Variants in BNC2 observed in about 807,000 individuals in gnomAD.
BNC2 encodes zinc finger protein basonuclin-2.
Under a neutral mutation model 76.3 loss-of-function variants are expected in BNC2, and 20 were observed. The ratio of observed to expected loss-of-function variants is 0.26; its 90% CI spans 0.18 to 0.38. The LOEUF is 0.38. BNC2 is among the 10% of genes least tolerant of loss of function. The pLI is 1.00. For synonymous variants in BNC2, 582 were observed against 514.8 expected, an observed-to-expected ratio of 1.13 and a Z score of -1.77; for missense variants, 1,382 against 1,399.8, an observed-to-expected ratio of 0.99 and a Z score of 0.20.
intron 3 of BNC2, among the ~76,000 whole-genome samples, chr9:16,643,242 G>A (rs1334447449): frequency 6.6e-6 from 1 of 151,046 alleles, no homozygotes; most frequent in Non-Finnish European, 1.5e-5. Flanking sequence ...GGAAGTGGAG[G>A]TTGCAGTGAG....
At chr9:16,850,198 T>C (rs77269162) in intron 1 of BNC2, among the ~76,000 whole-genome samples, 2,424 of 152,302 alleles carry the variant, frequency 0.016, 30 homozygotes, top group Non-Finnish European at 0.026. Context: ...AAATTTTACT[T>C]AGAATAGAAA....
At chr9:16,503,177 T>G (rs368141034) in intron 5 of BNC2, among the ~76,000 whole-genome samples, 6 of 152,086 alleles carry the variant, frequency 3.9e-5, no homozygotes, top group East Asian at 3.9e-4. Flanking sequence ...ATATATATGG[T>G]TTACCACCCT....
intron 1 of BNC2, among the ~76,000 whole-genome samples, chr9:16,752,770 G>T (rs1253878541): frequency 6.6e-6 from 1 of 152,160 alleles, no homozygotes; most frequent in African/African-American, 2.4e-5. Flanking sequence ...CCGTATTTGT[G>T]CATTCCAAAG....
At chr9:16,833,897 C>G (rs951055204) in intron 1 of BNC2, among the ~76,000 whole-genome samples, 1 of 152,274 alleles carries the variant, frequency 6.6e-6, no homozygotes, top group Non-Finnish European at 1.5e-5. Flanking sequence ...TAGGTTCTCT[C>G]GGAACCAATT....
intron 3 of BNC2, among the ~76,000 whole-genome samples, chr9:16,703,583 T>C (rs1389134379): frequency 4.6e-5 from 7 of 152,192 alleles, no homozygotes; most frequent in Non-Finnish European, 1.0e-4. Flanking sequence ...TGATCGCTTA[T>C]TGGTGTAAGA....
chr9:16,464,090 T>C (rs1446128631), intron 5 of BNC2, among the ~76,000 whole-genome samples: 1 of 91,688 alleles, frequency 1.1e-5, no homozygotes. Flanking sequence ...CAAGACCCTG[T>C]CTCCAAAAAA....
chr9:16,807,585 A>G (rs1226338371), intron 1 of BNC2, among the ~76,000 whole-genome samples: 1 of 152,222 alleles, frequency 6.6e-6, no homozygotes, highest in Non-Finnish European at 1.5e-5. Flanking sequence ...GAAATGCTCC[A>G]TGAAGAGAGG....
chr9:16,685,537 A>G, intron 3 of BNC2: 5 of 1,302,682 alleles, frequency 3.8e-6, no homozygotes, highest in Non-Finnish European at 5.1e-6. Context: ...AACAGTTAAG[A>G]CTCTAACCTG....
intron 3 of BNC2, among the ~76,000 whole-genome samples, chr9:16,676,258 A>G (rs1201371400): frequency 6.6e-6 from 1 of 152,240 alleles, no homozygotes; most frequent in African/African-American, 2.4e-5. Flanking sequence ...ATATTTGAAC[A>G]GAACATCACT....
chr9:16,696,146 C>T (rs1396602296), intron 3 of BNC2, among the ~76,000 whole-genome samples: 1 of 152,154 alleles, frequency 6.6e-6, no homozygotes, highest in Non-Finnish European at 1.5e-5. Flanking sequence ...CTTTATCATT[C>T]CATACTTGCC....
intron 3 of BNC2, among the ~76,000 whole-genome samples, chr9:16,644,893 A>G (rs1821582737): frequency 2.0e-5 from 3 of 152,122 alleles, no homozygotes. Context: ...TTCTCTTTCA[A>G]TTCAAAGTTT....
At chr9:16,504,901 GT>G (rs1480452890) in intron 5 of BNC2, among the ~76,000 whole-genome samples, 2 of 152,198 alleles carry the variant, frequency 1.3e-5, no homozygotes, top group Non-Finnish European at 2.9e-5. Context: ...CCATGTAATG[GT>G]TACAAGAAGC....
In BNC2 at chr9:16,807,245, A is replaced by C. The variant is rs937725997; in HGVS notation, c.3+63401T>G. Among the ~76,000 whole-genome samples the C allele has an allele frequency of 3.9e-5, 6 of 152,240 alleles. No homozygotes were observed. The South Asian group carries it at 1.2e-3, about 32-fold the overall frequency. Reference sequence around the variant, plus strand: ...GATCTCTTTATGACTAGAATGAATAAGAATAATGGCAAATGCATTAAATGT... The same window carrying C: ...GATCTCTTTATGACTAGAATGAATACGAATAATGGCAAATGCATTAAATGT... On this transcript the variant is annotated intron_variant, in intron 1 of 6. Coordinates refer to ENST00000380672, the MANE Select transcript of BNC2 (RefSeq NM_017637.6).
At chr9:16,651,409 TCTTTA>T (rs1456595474) in intron 3 of BNC2, among the ~76,000 whole-genome samples, 2 of 152,202 alleles carry the variant, frequency 1.3e-5, no homozygotes, top group African/African-American at 4.8e-5. Flanking sequence ...TCTAAATGCA[TCTTTA>T]CTTTACTATT....
chr9:16,442,674 T>C (rs571067073), intron 5 of BNC2, among the ~76,000 whole-genome samples: 8 of 152,274 alleles, frequency 5.3e-5, no homozygotes, highest in Non-Finnish European at 1.2e-4. Flanking sequence ...GGAGCCCACC[T>C]GTGTTCATGG....
At chr9:16,739,105 G>C (rs1273913393) in intron 1 of BNC2, among the ~76,000 whole-genome samples, 1 of 151,778 alleles carries the variant, frequency 6.6e-6, no homozygotes, top group Non-Finnish European at 1.5e-5. Context: ...AAGTAATACA[G>C]TTTGACTGGA....
At chr9:16,684,341 C>T (rs1822913535) in intron 3 of BNC2, among the ~76,000 whole-genome samples, 1 of 152,140 alleles carries the variant, frequency 6.6e-6, no homozygotes, top group African/African-American at 2.4e-5. Context: ...AATACATGAT[C>T]GTGTCTCATG....
rs139860772 is a variant in BNC2 at position 16,484,695 on chromosome 9, C to G, written c.670-47171G>C. ...CATGAAGAAATTTCTGAAGGACAGC[C>G]TTTATGTATATACCCGATCAAGCTC... On this transcript the variant is annotated intron_variant, in intron 5 of 6. Coordinates refer to ENST00000380672, the MANE Select transcript of BNC2 (RefSeq NM_017637.6). Among the ~76,000 whole-genome samples, 11 of 152,324 alleles carry G rather than the reference C, an allele frequency of 7.2e-5. No homozygotes were observed. In the East Asian group the frequency reaches 2.1e-3, roughly 29 times the overall value.
At chr9:16,630,227 A>G (rs1468097065) in intron 3 of BNC2, among the ~76,000 whole-genome samples, 2 of 152,272 alleles carry the variant, frequency 1.3e-5, no homozygotes, top group Non-Finnish European at 2.9e-5. Flanking sequence ...TGACTCATTT[A>G]TAGCACTTAG....
Sources: allele counts gnomAD v4.1 joint callset (sites outside exome capture counted in the v4.1 genomes callset), GRCh38; gene constraint gnomAD v4.1.1; transcripts MANE v1.5; gene names NCBI Gene and HGNC (gene_info 2026-07-23, HGNC 2026-07-21).